CNST: variants seen among roughly 807,000 people sequenced by gnomAD.
CNST encodes the protein consortin, connexin sorting protein.
CNST carries 39 observed loss-of-function variants against 72.4 expected under a neutral mutation model. The ratio of observed to expected loss-of-function variants is 0.54; its 90% CI spans 0.42 to 0.70. CNST has a LOEUF of 0.70. Among genes scored for constraint, CNST ranks in the 30% least tolerant of loss-of-function variants. The probability of loss-of-function intolerance (pLI) is 0.00; values close to 1 mark genes in which losing one functional copy is unlikely to be tolerated. For synonymous variants in CNST, 332 were observed against 320.1 expected, an observed-to-expected ratio of 1.04 and a Z score of -0.40; for missense variants, 871 against 868.5, an observed-to-expected ratio of 1.00 and a Z score of -0.04.
rs1289581490 is a variant in CNST, at chr1:246,587,210, CACCTCAGCCTCTTGAGTAGCTG to C, written c.-51-4299_-51-4278del. 5.3e-4 allele frequency among the ~76,000 whole-genome samples: 80 copies of C among 152,198 alleles called. 1 individual carries two copies. Among genetic ancestry groups the C allele is most frequent in the Non-Finnish European group, 1.0e-4 (7 of 68,038 alleles). ...TACTCCCAGGCTGAAGCAAGCTTCT[CACCTCAGCCTCTTGAGTAGCTG>C]ACACTACAGGCCACACCACTGTGCC... On this transcript the variant is annotated intron_variant, in intron 1 of 10. Coordinates refer to ENST00000366513, the MANE Select transcript of CNST (RefSeq NM_152609.3).
At chr1:246,652,263 CAGAG>C (rs1334200677) in intron 9 of CNST, among the ~76,000 whole-genome samples, 2 of 152,142 alleles carry the variant, frequency 1.3e-5, no homozygotes, top group Non-Finnish European at 1.5e-5. Context: ...GCCTGAGACT[CAGAG>C]GGAGCTCCTA....
At chr1:246,594,373 A>G (rs1661741669) in intron 2 of CNST, among the ~76,000 whole-genome samples, 1 of 152,202 alleles carries the variant, frequency 6.6e-6, no homozygotes. Context: ...TAGAATTACT[A>G]TTCCCTAATG....
chr1:246,600,658 A>G (rs1466913597), intron 2 of CNST, among the ~76,000 whole-genome samples: 1 of 152,208 alleles, frequency 6.6e-6, no homozygotes, highest in African/African-American at 2.4e-5. Flanking sequence ...CCATTTATTG[A>G]TTTATTGAGC....
At chr1:246,647,048 C>T (rs1463463256) in intron 8 of CNST, 91 bp from the exon 9 acceptor site, 1 of 1,116,188 alleles carries the variant, frequency 9.0e-7, no homozygotes, top group Non-Finnish European at 1.3e-6. Flanking sequence ...TAGAATATTG[C>T]TGTATTACAC....
At chr1:246,576,555 G>A in intron 1 of CNST, among the ~76,000 whole-genome samples, 1 of 150,682 alleles carries the variant, frequency 6.6e-6, no homozygotes, top group Non-Finnish European at 1.5e-5. Context: ...GAGTGCAGTG[G>A]TATGATCTCC....
chr1:246,659,273 A>G (rs1477680695), intron 9 of CNST, among the ~76,000 whole-genome samples: 1 of 152,184 alleles, frequency 6.6e-6, no homozygotes, highest in East Asian at 1.9e-4. Flanking sequence ...TGTGGGCCAT[A>G]GTTTGCCAAC....
At chr1:246,583,867 T>C (rs1310693350) in intron 1 of CNST, among the ~76,000 whole-genome samples, 1 of 152,244 alleles carries the variant, frequency 6.6e-6, no homozygotes, top group Non-Finnish European at 1.5e-5. Flanking sequence ...CATTATATCA[T>C]AATTTTTCAA....
chr1:246,606,692 A>T (rs1288909962), intron 2 of CNST: 1 of 151,118 alleles, frequency 6.6e-6, no homozygotes, highest in Non-Finnish European at 1.5e-5. Flanking sequence ...TCGATGATCC[A>T]TTGCGGAGGC....
chr1:246,592,066 G>A (rs898334849), intron 2 of CNST, 125 bp downstream of exon 2: 17 of 724,250 alleles, frequency 2.3e-5, no homozygotes, highest in Middle Eastern at 7.8e-4. Flanking sequence ...AGCTAGTTCC[G>A]CCGCAGCACA....
rs547769660 is a variant in CNST at position 246,647,353 on chromosome 1, G to C, written c.1152G>C (p.Pro384=). 1 of 1,614,042 alleles carries C rather than the reference G, an allele frequency of 6.2e-7. No individual in the cohort carries two copies. Among genetic ancestry groups the C allele is most frequent in the African/African-American group, 1.3e-5 (1 of 74,942 alleles). The change falls in exon 9 of 11, where the codon CCG becomes CCC. Residue 384 remains proline, a synonymous_variant. Coordinates refer to ENST00000366513, the MANE Select transcript of CNST (RefSeq NM_152609.3). ...HTQSSETAGS[P]SGPDSSEDAC... is the part of the protein sequence containing the mutation. Reference sequence around the variant, plus strand: ...AGTCCTCCGAGACAGCAGGGAGCCCGTCTGGGCCAGACTCTTCTGAGGATG... The same window carrying C: ...AGTCCTCCGAGACAGCAGGGAGCCCCTCTGGGCCAGACTCTTCTGAGGATG...
intron 6 of CNST, among the ~76,000 whole-genome samples, chr1:246,635,547 T>G (rs1443044619): frequency 6.6e-6 from 1 of 152,204 alleles, no homozygotes; most frequent in African/African-American, 2.4e-5. Flanking sequence ...ATCGTCTATG[T>G]TAAGACAGCA....
chr1:246,581,545 G>T (rs981213107), intron 1 of CNST, among the ~76,000 whole-genome samples: 2 of 152,234 alleles, frequency 1.3e-5, no homozygotes, highest in Non-Finnish European at 2.9e-5. Flanking sequence ...TTCCAGGCGT[G>T]AGCCATCACA....
chr1:246,587,790 G>A (rs574732857), intron 1 of CNST, among the ~76,000 whole-genome samples: 176 of 152,262 alleles, frequency 1.2e-3, no homozygotes, highest in African/African-American at 4.0e-3. Context: ...ATACATAAGC[G>A]ATCTTGAACC....
intron 6 of CNST, among the ~76,000 whole-genome samples, chr1:246,640,098 C>T (rs577252934): frequency 2.5e-4 from 38 of 152,290 alleles, no homozygotes; most frequent in African/African-American, 7.0e-4. Context: ...GAGAATCTTT[C>T]ATTTATTACA....
At chr1:246,608,137 A>G (rs1663032006) in intron 2 of CNST, 1 of 152,136 alleles carries the variant, frequency 6.6e-6, no homozygotes, top group African/African-American at 2.4e-5. Flanking sequence ...CCTGGAAAAC[A>G]TAGAGAACCT....
In CNST at chr1:246,599,931, C is replaced by G. The variant is rs550170418; in HGVS notation, c.379+7990C>G. On this transcript the variant is annotated intron_variant, in intron 2 of 10. Transcript: ENST00000366513. ...TGCACCTCCCTTTCAGTTTTGTATG[C>G]TCAAGTGAGGGAGCCACGTAACTAA... Among the ~76,000 whole-genome samples the G allele has an allele frequency of 3.7e-4, 56 of 152,274 alleles. 1 individual carries two copies. The highest frequency in any genetic ancestry group is 1.3e-3 in the African/African-American group (54 of 41,558).
intron 2 of CNST, among the ~76,000 whole-genome samples, chr1:246,615,405 G>A (rs1361864334): frequency 6.6e-6 from 1 of 151,840 alleles, no homozygotes; most frequent in African/African-American, 2.4e-5. Flanking sequence ...TCGATCTCCT[G>A]ACCTCGTGAT....
chr1:246,665,691 T>C lies in CNST; in HGVS notation c.1973-9T>C. On this transcript the variant is annotated splice_polypyrimidine_tract_variant and intron_variant, in intron 10 of 10. Transcript: ENST00000366513. Reference sequence around the variant, plus strand: ...GACAATGTAACCTCACTCTTTCTCATGTTTGCAGATGAAGTTGGAGGTGGC... The same window carrying C: ...GACAATGTAACCTCACTCTTTCTCACGTTTGCAGATGAAGTTGGAGGTGGC... 3 of 1,611,164 alleles carry C rather than the reference T, an allele frequency of 1.9e-6. No individual in the cohort carries two copies. Among genetic ancestry groups the C allele is most frequent in the Non-Finnish European group, 2.5e-6 (3 of 1,178,778 alleles).
In CNST at chr1:246,567,035, C is replaced by G. The variant is rs1216402672; in HGVS notation, c.-52+372C>G. On this transcript the variant is annotated intron_variant, in intron 1 of 10. Coordinates refer to ENST00000366513, the MANE Select transcript of CNST (RefSeq NM_152609.3). Reference sequence around the variant, plus strand: ...CCACCCTCGTGGATGGTTTTCATTTCCCCCCCACACCTGGTCCCCCCCATC... The same window carrying G: ...CCACCCTCGTGGATGGTTTTCATTTGCCCCCCACACCTGGTCCCCCCCATC... Among the ~76,000 whole-genome samples the G allele has an allele frequency of 4.5e-5, 6 of 134,138 alleles. No homozygotes were observed. The East Asian group carries it at 1.3e-3, about 30-fold the overall frequency. 88.0% of individuals were successfully genotyped at this position (134,138 alleles called of 152,430 possible). A position where few individuals can be genotyped will look rare whatever the true frequency, so the allele number is the denominator to read the frequency against.
Sources: gnomAD v4.1 joint callset for allele counts (sites outside exome capture counted in the v4.1 genomes callset) on GRCh38, gnomAD v4.1.1 for gene constraint, MANE v1.5 for transcripts, NCBI Gene and HGNC (gene_info 2026-07-23, HGNC 2026-07-21) for gene names.